The following RP1 variants were observed in gnomAD, a reference collection of about 807,000 sequenced individuals.
RP1 encodes the protein oxygen-regulated protein 1.
Under a neutral mutation model 14.8 loss-of-function variants are expected in RP1, and 16 were observed. The ratio of observed to expected loss-of-function variants is 1.08; its 90% CI spans 0.73 to 1.65. The LOEUF (loss-of-function observed/expected upper bound fraction) is 1.65. Ranked by LOEUF, RP1 falls within the 40% of genes most tolerant of loss-of-function variation. The pLI, the probability that RP1 is intolerant of heterozygous loss-of-function variation, is 0.00. For missense variants in RP1, 2,631 were observed against 2,535.0 expected, an observed-to-expected ratio of 1.04 and a Z score of -0.81; for synonymous variants, 876 against 883.6, an observed-to-expected ratio of 0.99 and a Z score of 0.15.
At chr8:54,578,771 C>T (rs139477014) in intron 1 of RP1, among the ~76,000 whole-genome samples, 27 of 152,222 alleles carry the variant, frequency 1.8e-4, no homozygotes, top group East Asian at 1.5e-3. Flanking sequence ...CACTACACAC[C>T]GGGCTAAGCA....
chr8:54,711,652 G>T (rs1351815292), intron 15 of RP1, among the ~76,000 whole-genome samples: 2 of 152,176 alleles, frequency 1.3e-5, no homozygotes, highest in African/African-American at 4.8e-5. Context: ...CCTGCAGCAG[G>T]TCTTCACCTA....
intron 6 of RP1, among the ~76,000 whole-genome samples, chr8:54,662,260 T>C (rs944403563): frequency 6.6e-6 from 1 of 152,222 alleles, no homozygotes; most frequent in South Asian, 2.1e-4. Context: ...TTTTAGTATA[T>C]AGTTGACTAC....
chr8:54,746,312 T>C (rs1311429623), intron 19 of RP1, among the ~76,000 whole-genome samples: 1 of 152,214 alleles, frequency 6.6e-6, no homozygotes, highest in African/African-American at 2.4e-5. Context: ...ACTCTGGTAC[T>C]TTGGGGCTTT....
intron 12 of RP1, among the ~76,000 whole-genome samples, chr8:54,687,186 A>G (rs1180230559): frequency 6.6e-6 from 1 of 152,186 alleles, no homozygotes; most frequent in East Asian, 1.9e-4. Flanking sequence ...GAAAAACAGG[A>G]AGCCTGCAAC....
At chr8:54,592,113 T>A (rs143077886) in intron 1 of RP1, among the ~76,000 whole-genome samples, 104 of 152,366 alleles carry the variant, frequency 6.8e-4, no homozygotes, top group African/African-American at 2.5e-3. Flanking sequence ...ACCACAAGGA[T>A]ATATATTTGC....
intron 24 of RP1, among the ~76,000 whole-genome samples, chr8:54,816,049 T>C (rs1004573020): frequency 3.3e-5 from 5 of 152,302 alleles, no homozygotes; most frequent in Middle Eastern, 3.4e-3. Flanking sequence ...GTCCTAACTG[T>C]TCTTTCACAG....
intron 15 of RP1, among the ~76,000 whole-genome samples, chr8:54,708,113 G>A (rs2129345703): frequency 6.6e-6 from 1 of 152,228 alleles, no homozygotes; most frequent in Non-Finnish European, 1.5e-5. Flanking sequence ...TCCCTTCTGG[G>A]GCTCGCAGGA....
intron 22 of RP1, among the ~76,000 whole-genome samples, chr8:54,768,380 T>A (rs1809818435): frequency 6.6e-6 from 1 of 152,230 alleles, no homozygotes; most frequent in African/African-American, 2.4e-5. Flanking sequence ...TATCTTTACA[T>A]ATCTGTTTCC....
chr8:54,781,110 A>G, intron 23 of RP1: 2 of 862,874 alleles, frequency 2.3e-6, no homozygotes, highest in Non-Finnish European at 2.8e-6. Flanking sequence ...TATCTACAGT[A>G]GGGTTTATTT....
At chr8:54,638,905 TCTCG>T (rs71686525) in intron 3 of RP1, among the ~76,000 whole-genome samples, 56,870 of 145,548 alleles carry the variant, frequency 0.39, 11,512 homozygotes, top group Middle Eastern at 0.51. Context: ...TCTCTCTCTC[TCTCG>T]GTCTCTCTCA....
intron 28 of RP1, chr8:54,865,932 AT>A: frequency 8.8e-7 from 1 of 1,142,588 alleles, no homozygotes; most frequent in Non-Finnish European, 1.1e-6. Flanking sequence ...CTCTTAATGC[AT>A]TATTATGCAA....
chr8:54,762,750 AG>A (rs1371662319), intron 22 of RP1, among the ~76,000 whole-genome samples: 1 of 152,216 alleles, frequency 6.6e-6, no homozygotes, highest in Non-Finnish European at 1.5e-5. Context: ...TCCACGATCC[AG>A]GTGTCATCGG....
In RP1 at chr8:54,834,739, A is replaced by G. The variant is rs893925149; in HGVS notation, c.3616-2711A>G. On this transcript the variant is annotated intron_variant, in intron 24 of 28. Coordinates refer to the RP1 transcript ENST00000637698. ...TACCCTAATAATTTTTAGTGTTTCTAACTTGTTAGAACTCAAGTTTTTAGT... is the reference window on the plus strand; with the variant it reads ...TACCCTAATAATTTTTAGTGTTTCTGACTTGTTAGAACTCAAGTTTTTAGT... 3.3e-5 allele frequency among the ~76,000 whole-genome samples: 5 copies of G among 150,896 alleles called. No homozygotes were observed. In the South Asian group the frequency reaches 1.0e-3, roughly 32 times the overall value.
chr8:54,697,293 G>A (rs1010134791), intron 12 of RP1, among the ~76,000 whole-genome samples: 17 of 152,198 alleles, frequency 1.1e-4, no homozygotes, highest in African/African-American at 3.6e-4. Context: ...GATGGCTCAT[G>A]CCTGTAATCC....
chr8:54,657,121 T>C (rs1806772235), intron 6 of RP1, among the ~76,000 whole-genome samples: 2 of 152,186 alleles, frequency 1.3e-5, no homozygotes. Flanking sequence ...TACTGAAAAG[T>C]GAAGCAGGAG....
chr8:54,760,109 C>G (rs1401413679), intron 22 of RP1, among the ~76,000 whole-genome samples: 1 of 152,126 alleles, frequency 6.6e-6, no homozygotes, highest in Non-Finnish European at 1.5e-5. Flanking sequence ...CTGCAAACAC[C>G]CAAGATGATT....
At position 54,725,204 on chromosome 8, in the gene RP1, A is replaced by G. The variant is rs1259056811; in HGVS notation, c.2390-1141A>G. Among the ~76,000 whole-genome samples the G allele has an allele frequency of 3.9e-5, 6 of 152,138 alleles. No homozygotes were observed. In the South Asian group the frequency reaches 6.2e-4, roughly 16 times the overall value. On this transcript the variant is annotated intron_variant, in intron 16 of 22. Coordinates refer to the RP1 transcript ENST00000636932. ...ATATTACATTGGTAAATGAACTCTT[A>G]GTTATATATAAGAATCTTAAATTTT...
At chr8:54,605,922 C>T (rs1268959139) in intron 1 of RP1, among the ~76,000 whole-genome samples, 1 of 132,410 alleles carries the variant, frequency 7.6e-6, no homozygotes, top group East Asian at 1.9e-4. Flanking sequence ...TTATTTTGAG[C>T]CTATGTGTGT....
chr8:54,738,289 G>A (rs765144864), intron 18 of RP1, among the ~76,000 whole-genome samples: 3 of 152,070 alleles, frequency 2.0e-5, no homozygotes, highest in East Asian at 1.9e-4. Context: ...ATTTTACTCC[G>A]TTTGCAACAG....
Sources: allele counts gnomAD v4.1 joint callset (sites outside exome capture counted in the v4.1 genomes callset), GRCh38; gene constraint gnomAD v4.1.1; transcripts MANE v1.5; gene names NCBI Gene and HGNC (gene_info 2026-07-23, HGNC 2026-07-21).